The following DOCK1 variants were observed in gnomAD, a reference collection of about 807,000 sequenced individuals.
The protein encoded by DOCK1 is dedicator of cytokinesis 1, also known as dedicator of cytokinesis protein 1.
Under a neutral mutation model 262.7 loss-of-function variants are expected in DOCK1, and 138 were observed. The ratio of observed to expected loss-of-function variants is 0.53; its 90% CI spans 0.46 to 0.61. The LOEUF is 0.61. Ranked by LOEUF, DOCK1 falls within the 20% of genes least tolerant of loss-of-function variation. DOCK1 has a pLI of 0.00. For synonymous variants in DOCK1, 866 were observed against 867.4 expected, an observed-to-expected ratio of 1.00 and a Z score of 0.03; for missense variants, 1,908 against 2,370.7, an observed-to-expected ratio of 0.80 and a Z score of 4.05.
intron 29 of DOCK1, among the ~76,000 whole-genome samples, chr10:127,261,993 C>T (rs1186060350): frequency 1.2e-5 from 1 of 85,680 alleles, no homozygotes; most frequent in Non-Finnish European, 2.2e-5. Flanking sequence ...TGTGTGTGTA[C>T]CCATGCTCAT....
At chr10:126,930,205 G>A (rs2034086665) in intron 1 of DOCK1, among the ~76,000 whole-genome samples, 1 of 152,224 alleles carries the variant, frequency 6.6e-6, no homozygotes. Flanking sequence ...TTCCCCTTGT[G>A]ATGGACTTGT....
chr10:127,093,810 T>C (rs895063578), intron 23 of DOCK1, among the ~76,000 whole-genome samples: 9 of 152,178 alleles, frequency 5.9e-5, no homozygotes. Flanking sequence ...ACAAAATACC[T>C]GAGACTCGGT....
intron 19 of DOCK1, among the ~76,000 whole-genome samples, chr10:127,038,346 A>G (rs2043792302): frequency 6.6e-6 from 1 of 152,160 alleles, no homozygotes; most frequent in South Asian, 2.1e-4. Context: ...TGGCTTTGCA[A>G]TCAACCTCAT....
chr10:126,992,210 T>TTTGA (rs2039840552), intron 6 of DOCK1, among the ~76,000 whole-genome samples: 1 of 152,180 alleles, frequency 6.6e-6, no homozygotes, highest in South Asian at 2.1e-4. Flanking sequence ...AAAAGCAGAC[T>TTTGA]TTTGGAGCTT....
chr10:127,371,189 G>T (rs1205023903), intron 33 of DOCK1, among the ~76,000 whole-genome samples: 2 of 152,230 alleles, frequency 1.3e-5, no homozygotes, highest in Non-Finnish European at 2.9e-5. Context: ...ATCAATTCGA[G>T]TGTATTCTAT....
intron 23 of DOCK1, among the ~76,000 whole-genome samples, chr10:127,097,235 G>A (rs1423497794): frequency 6.6e-6 from 1 of 151,954 alleles, no homozygotes; most frequent in Non-Finnish European, 1.5e-5. Context: ...GTGTGTTCTT[G>A]TCCTTTTGGT....
chr10:127,197,902 A>G (rs559216114), intron 27 of DOCK1, among the ~76,000 whole-genome samples: 32 of 152,310 alleles, frequency 2.1e-4, no homozygotes, highest in Non-Finnish European at 4.0e-4. Context: ...AGAAGAAAAA[A>G]AAATCTAAAA....
At chr10:127,157,999 T>A (rs1235473195) in intron 27 of DOCK1, among the ~76,000 whole-genome samples, 1 of 152,216 alleles carries the variant, frequency 6.6e-6, no homozygotes, top group Non-Finnish European at 1.5e-5. Flanking sequence ...AACTATGTAA[T>A]CCATTGTGCT....
At chr10:127,320,100 T>A (rs988370956) in intron 29 of DOCK1, among the ~76,000 whole-genome samples, 2 of 152,030 alleles carry the variant, frequency 1.3e-5, no homozygotes, top group African/African-American at 4.8e-5. Flanking sequence ...CAATAACTCA[T>A]TAGGTTTTTT....
Position 127,175,280 on chromosome 10 carries a change from G to C in DOCK1, c.2847+47516G>C, listed in dbSNP as rs192681220. The C allele has an allele frequency of 6.2e-7, 1 of 1,614,102 alleles. No homozygotes were observed. The highest frequency in any genetic ancestry group is 8.5e-7 in the Non-Finnish European group (1 of 1,180,014). ...CCAAGAGCACTTTGATGGTTTCTTGGCTTGAACTGATCAAGTTCTCCATCA... is the reference window on the plus strand; with the variant it reads ...CCAAGAGCACTTTGATGGTTTCTTGCCTTGAACTGATCAAGTTCTCCATCA... On this transcript the variant is annotated intron_variant, in intron 27 of 51. Transcript: ENST00000623213. The surrounding 1 kb of genome is among the most constrained non-coding windows in gnomAD (Gnocchi z 6.3).
At chr10:127,438,800 T>G (rs750000541) in intron 48 of DOCK1, among the ~76,000 whole-genome samples, 33 of 152,244 alleles carry the variant, frequency 2.2e-4, no homozygotes, top group Non-Finnish European at 7.3e-5. Context: ...AGACTTCACA[T>G]TTGCCCTATC....
chr10:127,209,819 G>T (rs558511251), intron 27 of DOCK1, among the ~76,000 whole-genome samples: 4 of 152,176 alleles, frequency 2.6e-5, no homozygotes, highest in Non-Finnish European at 5.9e-5. Context: ...TGCAAAGGTG[G>T]TTATAAATGC....
chr10:127,384,738 C>CGTCCCTGGG, intron 37 of DOCK1, 52 bp from the exon 38 acceptor site: 5 of 1,483,064 alleles, frequency 3.4e-6, no homozygotes, highest in Non-Finnish European at 4.5e-6. Flanking sequence ...ACCATTCTGA[C>CGTCCCTGGG]GTCCCTGGGT....
rs2068373299 is a variant in DOCK1 at position 127,419,585 on chromosome 10, CAG to C, written c.4693-80_4693-79del. 3.0e-6 allele frequency: 4 copies of C among 1,344,236 alleles called. No individual in the cohort carries two copies. The Admixed American group carries it at 7.9e-5, about 27-fold the overall frequency. 83.3% of individuals were successfully genotyped at this position (1,344,236 alleles called of 1,614,324 possible). ...TCTGTTTTATGCACAGCTCTATTCT[CAG>C]GGCCTGGCACACAGTAAGTGTGCAA... On this transcript the variant is annotated intron_variant, in intron 45 of 51. Coordinates refer to ENST00000623213, the MANE Select transcript of DOCK1 (RefSeq NM_001290223.2).
At chr10:127,192,919 G>T (rs767527797) in intron 27 of DOCK1, among the ~76,000 whole-genome samples, 1 of 152,088 alleles carries the variant, frequency 6.6e-6, no homozygotes, top group Non-Finnish European at 1.5e-5. Flanking sequence ...TAAATAAACT[G>T]ATTAAAAGTC....
At chr10:127,366,191 C>T (rs1397928023) in intron 33 of DOCK1, among the ~76,000 whole-genome samples, 14 of 151,558 alleles carry the variant, frequency 9.2e-5, no homozygotes, top group Non-Finnish European at 1.9e-4. Flanking sequence ...CCTCTGCAGA[C>T]GAGGGATAGC....
chr10:127,031,800 T>C (rs779915511), intron 17 of DOCK1, 47 bp downstream of exon 17: 1 of 1,552,262 alleles, frequency 6.4e-7, no homozygotes, highest in Non-Finnish European at 8.8e-7. Flanking sequence ...ACAGTTTCAG[T>C]CTTTTCTGGG....
In DOCK1 at chr10:127,175,295, G is replaced by A; in HGVS notation, c.2847+47531G>A. On this transcript the variant is annotated intron_variant, in intron 27 of 51. Coordinates refer to ENST00000623213, the MANE Select transcript of DOCK1 (RefSeq NM_001290223.2). The surrounding 1 kb of genome is among the most constrained non-coding windows in gnomAD (Gnocchi z 6.3). The stretch of plus-strand genomic sequence containing the variant: ...TGGTTTCTTGGCTTGAACTGATCAA[G>A]TTCTCCATCATCTGAAGTTGTGCTT... 6.2e-7 allele frequency: 1 copy of A among 1,614,118 alleles called. No individual in the cohort carries two copies. The highest frequency in any genetic ancestry group is 1.1e-5 in the South Asian group (1 of 91,070).
intron 38 of DOCK1, among the ~76,000 whole-genome samples, 174 bp downstream of exon 38, chr10:127,385,083 T>A (rs564346932): frequency 6.7e-6 from 1 of 149,878 alleles, no homozygotes; most frequent in Non-Finnish European, 1.5e-5. Context: ...AGAAATCTTC[T>A]TTTAAAAAAA....
Sources: allele counts gnomAD v4.1 joint callset (sites outside exome capture counted in the v4.1 genomes callset), GRCh38; gene constraint gnomAD v4.1.1; non-coding constraint Gnocchi (gnomAD v3.1); transcripts MANE v1.5; gene names NCBI Gene and HGNC (gene_info 2026-07-23, HGNC 2026-07-21).